The following VPS13C variants were observed in gnomAD, a reference collection of about 807,000 sequenced individuals.
VPS13C encodes the protein vacuolar protein sorting 13 homolog C.
A neutral mutation model predicts 456.8 loss-of-function variants in VPS13C; 358 were observed. The observed-to-expected ratio is 0.78, with a 90% CI of 0.72 to 0.86. VPS13C has a LOEUF of 0.86. Among genes scored for constraint, VPS13C ranks in the 40% least tolerant of loss-of-function variants. The pLI is 0.00. For missense variants in VPS13C, 4,818 were observed against 4,385.4 expected, an observed-to-expected ratio of 1.10 and a Z score of -2.79; for synonymous variants, 1,578 against 1,486.7, an observed-to-expected ratio of 1.06 and a Z score of -1.41.
intron 38 of VPS13C, among the ~76,000 whole-genome samples, chr15:61,954,074 G>A (rs2044899222): frequency 6.6e-6 from 1 of 151,966 alleles, no homozygotes; most frequent in Non-Finnish European, 1.5e-5. Flanking sequence ...TAAAATGCAG[G>A]CATATTGTGT....
At chr15:61,932,833 A>T (rs964097792) in intron 49 of VPS13C, among the ~76,000 whole-genome samples, 1 of 152,238 alleles carries the variant, frequency 6.6e-6, no homozygotes, top group Non-Finnish European at 1.5e-5. Context: ...ATGACAACAC[A>T]CTAATGTTTC....
intron 27 of VPS13C, among the ~76,000 whole-genome samples, chr15:61,970,883 C>T: frequency 8.0e-6 from 1 of 125,340 alleles, no homozygotes; most frequent in South Asian, 2.6e-4. Flanking sequence ...AAAAAAAAAT[C>T]AAGCCATGCA....
chr15:61,923,861 C>CTTTTTTTTT lies in VPS13C; in HGVS notation c.6610-1108_6610-1100dup, dbSNP rs1188960583. 7.7e-4 allele frequency among the ~76,000 whole-genome samples: 58 copies of CTTTTTTTTT among 75,148 alleles called. 10 individuals carry two copies. The highest frequency in any genetic ancestry group is 1.9e-3 in the African/African-American group (33 of 17,624). 49.3% of individuals were successfully genotyped at this position (75,148 alleles called of 152,430 possible). ...GCCATATGTGACCACCCCTCTAAATCTTTTTTTTTTTTTTTTTTTTTTGAG... is the reference window on the plus strand; with the variant it reads ...GCCATATGTGACCACCCCTCTAAATCTTTTTTTTTTTTTTTTTTTTTTTTTTTTTTTGAG... On this transcript the variant is annotated intron_variant, in intron 53 of 84. Coordinates refer to ENST00000644861, the MANE Select transcript of VPS13C (RefSeq NM_020821.3).
Position 61,935,249 on chromosome 15 carries a change from T to C in VPS13C, c.5756-918A>G, listed in dbSNP as rs192099804. Among the ~76,000 whole-genome samples the C allele has an allele frequency of 2.9e-3, 442 of 152,316 alleles. 3 individuals are homozygous for C. Among genetic ancestry groups the C allele is most frequent in the African/African-American group, 0.01 (421 of 41,566 alleles). Reference sequence around the variant, plus strand: ...CTTTAGATAGATCACACAGACTGAATAGATCTTGCTTTCAATCACTCTTAC... The same window carrying C: ...CTTTAGATAGATCACACAGACTGAACAGATCTTGCTTTCAATCACTCTTAC... On this transcript the variant is annotated intron_variant, in intron 48 of 84. Coordinates refer to ENST00000644861, the MANE Select transcript of VPS13C (RefSeq NM_020821.3).
intron 9 of VPS13C, among the ~76,000 whole-genome samples, chr15:62,016,098 T>C (rs951471258): frequency 1.3e-5 from 2 of 151,376 alleles, no homozygotes; most frequent in African/African-American, 4.8e-5. Flanking sequence ...GCCCACAACA[T>C]TGTGAAGCCT....
chr15:61,880,481 T>A, intron 73 of VPS13C, 128 bp downstream of exon 73: 2 of 590,136 alleles, frequency 3.4e-6, no homozygotes, highest in East Asian at 6.1e-5. Flanking sequence ...CTTAATTATT[T>A]CGATTAATCA....
chr15:61,958,767 C>G, intron 36 of VPS13C, 51 bp from the exon 37 acceptor site: 1 of 962,968 alleles, frequency 1.0e-6, no homozygotes, highest in East Asian at 2.9e-5. Context: ...TAAAATGAAA[C>G]AATTTTAATA....
chr15:61,958,959 ATGACT>A (rs1471394188), intron 36 of VPS13C, among the ~76,000 whole-genome samples: 2 of 152,022 alleles, frequency 1.3e-5, no homozygotes, highest in Non-Finnish European at 2.9e-5. Context: ...ATTGGCTCCA[ATGACT>A]TGACTTATGT....
chr15:61,945,976 G>T, intron 44 of VPS13C, 94 bp from the exon 45 acceptor site: 3 of 1,088,308 alleles, frequency 2.8e-6, no homozygotes, highest in Non-Finnish European at 3.7e-6. Context: ...CAGAATCCTT[G>T]ATAAGTAGAA....
chr15:61,867,799 A>T lies in VPS13C; in HGVS notation c.10863+860T>A, dbSNP rs1191658969. On this transcript the variant is annotated intron_variant, in intron 81 of 84. Coordinates refer to ENST00000644861, the MANE Select transcript of VPS13C (RefSeq NM_020821.3). This position sits in a 1 kb window ranked among gnomAD's most constrained non-coding sequence, Gnocchi z 5.0. ...TCAATCCCACTACTATGAAAAGTTC[A>T]GATGGAGGTGAGAGTTTTAAAGAAA... 6.6e-7 allele frequency: 1 copy of T among 1,513,526 alleles called. No individual in the cohort carries two copies. The highest frequency in any genetic ancestry group is 2.5e-5 in the East Asian group (1 of 39,712). 93.8% of individuals were successfully genotyped at this position (1,513,526 alleles called of 1,614,324 possible).
chr15:61,918,027 A>C, intron 59 of VPS13C, 109 bp downstream of exon 59: 3 of 1,152,396 alleles, frequency 2.6e-6, no homozygotes, highest in Non-Finnish European at 3.6e-6. Flanking sequence ...ATTATGTCTT[A>C]AAACTGGCTT....
intron 27 of VPS13C, among the ~76,000 whole-genome samples, chr15:61,970,989 G>A (rs867104239): frequency 6.6e-6 from 1 of 152,220 alleles, no homozygotes; most frequent in Middle Eastern, 3.4e-3. Context: ...GCTCCATGCG[G>A]CAAGAACTTA....
In VPS13C at chr15:61,961,666, C is replaced by T. The variant is rs752833203; in HGVS notation, c.3831G>A (p.Leu1277=). 4.3e-6 allele frequency: 7 copies of T among 1,613,732 alleles called. No homozygotes were observed. In the Admixed American group the frequency reaches 1.2e-4, roughly 27 times the overall value. The change falls in exon 35 of 85, where the codon CTG becomes CTA. Residue 1277 remains leucine (L), a synonymous_variant. Coordinates refer to ENST00000644861, the MANE Select transcript of VPS13C (RefSeq NM_020821.3). ...GATTTAAGTAGTCTTCATCAGACAC[C>T]AGACTGAACTGATTATGAACTCTGA... The part of the protein sequence containing the change: ...GLIRVHNQFS[L]VSDEDYLNPP...
In VPS13C at chr15:61,920,619, C is replaced by T; in HGVS notation, c.7091G>A (p.Ser2364Asn). 1 of 1,585,046 alleles carries T rather than the reference C, an allele frequency of 6.3e-7. No homozygotes were observed. The highest frequency in any genetic ancestry group is 8.5e-7 in the Non-Finnish European group (1 of 1,172,414). ...AATAAAATCATCTCCTGGCAGCAAA[C>T]TTTTATCCTGAACTGGGTTCTTCTT... is the stretch of plus-strand genomic sequence containing the variant. ...DVKKNPVQDK[S>N]LLPGDDFIPE... Residue 2364 changes from serine (S) to asparagine (N), a missense_variant, in exon 56 of 85, where the codon AGT (serine) becomes AAT (asparagine). Ser to Asn is a conservative substitution (Grantham distance 46). This residue lies in a region of VPS13C where 4,552 missense variants were observed against 4,130.6 expected (regional missense o/e 1.10). Transcript: ENST00000644861.
In VPS13C at chr15:62,013,032, A is replaced by G. The variant is rs1401101761; in HGVS notation, c.825+7T>C. 1.2e-6 allele frequency: 2 copies of G among 1,606,310 alleles called. No homozygotes were observed. The highest frequency in any genetic ancestry group is 8.5e-7 in the Non-Finnish European group (1 of 1,176,054). ...AGTTAGCTCTTCCAAGTATACATTA[A>G]TATTACCAAAATCTGTTCCCTTGAT... is the stretch of plus-strand genomic sequence containing the variant. On this transcript the variant is annotated splice_region_variant and intron_variant, in intron 11 of 84. Transcript: ENST00000644861.
At chr15:61,940,013 G>A (rs62007760) in intron 47 of VPS13C, among the ~76,000 whole-genome samples, 1 of 150,336 alleles carries the variant, frequency 6.7e-6, no homozygotes. Flanking sequence ...AAAAAAAGTT[G>A]TATACTTATC....
At chr15:61,884,386 G>A in intron 67 of VPS13C, 117 bp from the exon 68 acceptor site, 1 of 1,103,562 alleles carries the variant, frequency 9.1e-7, no homozygotes, top group Non-Finnish European at 1.3e-6. Flanking sequence ...TTGGTATAAG[G>A]GACTTCTTAA....
intron 78 of VPS13C, among the ~76,000 whole-genome samples, chr15:61,872,994 C>T (rs1895146825): frequency 6.6e-6 from 1 of 152,042 alleles, no homozygotes; most frequent in Non-Finnish European, 1.5e-5. Flanking sequence ...CTCTGCTTCT[C>T]ACTTCCTCGC....
In VPS13C at chr15:61,867,692, T is replaced by C; in HGVS notation, c.10863+967A>G. ...TCTATTAAACGCAGAAGAGAGCTGA[T>C]TCTCTGCATCCTTTAATATTTTATA... On this transcript the variant is annotated intron_variant, in intron 81 of 84. Coordinates refer to ENST00000644861, the MANE Select transcript of VPS13C (RefSeq NM_020821.3). The surrounding 1 kb of genome is among the most constrained non-coding windows in gnomAD (Gnocchi z 5.0). The C allele has an allele frequency of 7.5e-7, 1 of 1,324,538 alleles. No individual in the cohort carries two copies. Among genetic ancestry groups the C allele is most frequent in the Non-Finnish European group, 9.6e-7 (1 of 1,037,228 alleles). The allele number at this position is 1,324,538 out of a possible 1,614,324, so 82.0% of individuals were successfully genotyped here. A position where few individuals can be genotyped will look rare whatever the true frequency, so the allele number is the denominator to read the frequency against.
Sources: allele counts gnomAD v4.1 joint callset (sites outside exome capture counted in the v4.1 genomes callset), GRCh38; gene constraint gnomAD v4.1.1; regional missense constraint gnomAD v4.1.1; non-coding constraint Gnocchi (gnomAD v3.1); transcripts MANE v1.5; gene names NCBI Gene and HGNC (gene_info 2026-07-23, HGNC 2026-07-21).